The following GRIN2A variants were observed in gnomAD, a reference collection of about 807,000 sequenced individuals.
GRIN2A encodes the protein glutamate receptor ionotropic, NMDA 2A.
In GRIN2A, 22 loss-of-function variants were observed where a neutral mutation model predicts 113.4. That is an observed-to-expected ratio of 0.19 (90% confidence interval 0.14 to 0.28). The LOEUF is 0.28. Among genes scored for constraint, GRIN2A ranks in the 10% least tolerant of loss-of-function variants. GRIN2A has a pLI of 1.00. For missense variants in GRIN2A, 1,502 were observed against 1,887.0 expected, an observed-to-expected ratio of 0.80 and a Z score of 3.78; for synonymous variants, 827 against 738.4, an observed-to-expected ratio of 1.12 and a Z score of -1.94.
Position 9,938,565 on chromosome 16 carries a change from G to C in GRIN2A, c.415-14C>G. On this transcript the variant is annotated splice_polypyrimidine_tract_variant and intron_variant, in intron 2 of 12. Coordinates refer to ENST00000330684, the MANE Select transcript of GRIN2A (RefSeq NM_001134407.3). ...AGACGTCGGATCCTGCCAGTGAAAAGAAAGTAAAACAGAGGATGAGGCAGG... is the reference window on the plus strand; with the variant it reads ...AGACGTCGGATCCTGCCAGTGAAAACAAAGTAAAACAGAGGATGAGGCAGG... 1 of 1,592,180 alleles carries C rather than the reference G, an allele frequency of 6.3e-7. No individual in the cohort carries two copies. Among genetic ancestry groups the C allele is most frequent in the Non-Finnish European group, 8.5e-7 (1 of 1,172,158 alleles).
At chr16:9,769,130 C>T (rs759435274) in intron 11 of GRIN2A, 41 bp from the exon 12 acceptor site, 3 of 1,484,066 alleles carry the variant, frequency 2.0e-6, no homozygotes, top group African/African-American at 2.8e-5. Context: ...AGGACCAGAA[C>T]ATGCACTTTG....
chr16:10,153,506 T>C (rs1250787962), intron 2 of GRIN2A, among the ~76,000 whole-genome samples: 3 of 152,220 alleles, frequency 2.0e-5, no homozygotes, highest in Non-Finnish European at 2.9e-5. Context: ...CTAATTTTCA[T>C]TTTTATAGGT....
Position 9,758,046 on chromosome 16 carries a change from C to G in GRIN2A, c.*5103G>C, listed in dbSNP as rs372859506. On this transcript the variant is annotated 3_prime_UTR_variant, in exon 13 of 13. Coordinates refer to ENST00000330684, the MANE Select transcript of GRIN2A (RefSeq NM_001134407.3). ...CTTGGATCTAATCCTCGCTCTGATA[C>G]TCTCTAACTTGATGATCTTAAACAG... 4.7e-6 allele frequency: 1 copy of G among 213,252 alleles called. No individual in the cohort carries two copies. The highest frequency in any genetic ancestry group is 2.3e-5 in the African/African-American group (1 of 44,278). The allele number at this position is 213,252 out of a possible 1,614,324, so 13.2% of individuals were successfully genotyped here.
At chr16:10,063,753 CA>C (rs2047594270) in intron 2 of GRIN2A, among the ~76,000 whole-genome samples, 1 of 152,150 alleles carries the variant, frequency 6.6e-6, no homozygotes, top group Admixed American at 6.5e-5. Context: ...CTCCTAAAAA[CA>C]GTGTCCATAG....
chr16:10,058,912 T>A (rs1358185121), intron 2 of GRIN2A, among the ~76,000 whole-genome samples: 1 of 152,216 alleles, frequency 6.6e-6, no homozygotes, highest in African/African-American at 2.4e-5. Flanking sequence ...AAGATAGTTA[T>A]AGGCTGTGAT....
At chr16:9,970,743 C>A (rs956054375) in intron 2 of GRIN2A, 1 of 969,048 alleles carries the variant, frequency 1.0e-6, no homozygotes, top group Non-Finnish European at 1.2e-6. Context: ...AGTCCCCTAC[C>A]TTAAGAAAAT....
intron 2 of GRIN2A, among the ~76,000 whole-genome samples, chr16:10,018,558 G>A (rs1010362783): frequency 3.9e-5 from 6 of 152,084 alleles, no homozygotes; most frequent in Admixed American, 2.0e-4. Flanking sequence ...GCTATTTCAC[G>A]CTGTCAACAC....
At chr16:9,774,508 C>T (rs756843252) in intron 11 of GRIN2A, among the ~76,000 whole-genome samples, 3 of 152,186 alleles carry the variant, frequency 2.0e-5, no homozygotes, top group Admixed American at 6.5e-5. Context: ...TATCCAACTA[C>T]TCATCCATTC....
chr16:10,098,912 C>A (rs1596502960), intron 2 of GRIN2A, among the ~76,000 whole-genome samples: 1 of 151,164 alleles, frequency 6.6e-6, no homozygotes, highest in Admixed American at 6.6e-5. Context: ...ACTCATGTAA[C>A]CAAATACCTA....
chr16:9,927,448 A>T (rs532047801), intron 3 of GRIN2A, among the ~76,000 whole-genome samples: 1 of 152,226 alleles, frequency 6.6e-6, no homozygotes, highest in African/African-American at 2.4e-5. Flanking sequence ...TTAGAGAAAA[A>T]AAATCACACT....
intron 2 of GRIN2A, among the ~76,000 whole-genome samples, chr16:10,021,566 G>A (rs1000735210): frequency 6.6e-6 from 1 of 152,124 alleles, no homozygotes; most frequent in African/African-American, 2.4e-5. Context: ...AATCCACATT[G>A]ACAGCAAAGA....
intron 2 of GRIN2A, among the ~76,000 whole-genome samples, chr16:10,148,577 C>T (rs952419581): frequency 6.6e-6 from 1 of 152,086 alleles, no homozygotes; most frequent in African/African-American, 2.4e-5. Context: ...CTGACATGGC[C>T]AGAGCAGAGC....
At chr16:9,980,871 G>A (rs1038599119) in intron 2 of GRIN2A, among the ~76,000 whole-genome samples, 60 of 151,020 alleles carry the variant, frequency 4.0e-4, no homozygotes, top group Non-Finnish European at 7.5e-4. Flanking sequence ...ACAGCATTAG[G>A]AGATACACCT....
At chr16:9,825,498 A>G (rs762589228) in intron 9 of GRIN2A, among the ~76,000 whole-genome samples, 3 of 152,234 alleles carry the variant, frequency 2.0e-5, no homozygotes, top group Non-Finnish European at 4.4e-5. Context: ...TGGAGGAGGT[A>G]GAGATGCAAC....
intron 3 of GRIN2A, among the ~76,000 whole-genome samples, chr16:9,911,422 T>A (rs887636722): frequency 6.6e-6 from 1 of 152,246 alleles, no homozygotes; most frequent in African/African-American, 2.4e-5. Flanking sequence ...TAAATTTATA[T>A]GCTAACTCAG....
intron 2 of GRIN2A, among the ~76,000 whole-genome samples, chr16:10,164,614 G>T (rs2049873199): frequency 6.6e-6 from 1 of 152,208 alleles, no homozygotes; most frequent in African/African-American, 2.4e-5. Context: ...CAGAGACAAT[G>T]GGTGAGCAAT....
intron 2 of GRIN2A, among the ~76,000 whole-genome samples, chr16:10,155,498 C>T (rs1567337885): frequency 6.6e-6 from 1 of 152,304 alleles, no homozygotes; most frequent in East Asian, 1.9e-4. Flanking sequence ...GACATCCCTT[C>T]TACAGTCCCT....
chr16:10,079,686 G>A (rs1274399931), intron 2 of GRIN2A, among the ~76,000 whole-genome samples: 2 of 152,188 alleles, frequency 1.3e-5, no homozygotes, highest in Non-Finnish European at 2.9e-5. Context: ...GAATCTTCTG[G>A]TGCCTTGACC....
intron 5 of GRIN2A, among the ~76,000 whole-genome samples, chr16:9,842,936 A>T (rs2042705213): frequency 7.0e-6 from 1 of 143,328 alleles, no homozygotes; most frequent in South Asian, 2.2e-4. Flanking sequence ...GTCGAGAGAA[A>T]GAGAGAAAGA....
Sources: allele counts gnomAD v4.1 joint callset (sites outside exome capture counted in the v4.1 genomes callset), GRCh38; gene constraint gnomAD v4.1.1; transcripts MANE v1.5; gene names NCBI Gene and HGNC (gene_info 2026-07-23, HGNC 2026-07-21).